The following NAALADL2 variants were observed in gnomAD, a reference collection of about 807,000 sequenced individuals.
The protein encoded by NAALADL2 is inactive N-acetylated-alpha-linked acidic dipeptidase-like protein 2.
In NAALADL2, 76 loss-of-function variants were observed where a neutral mutation model predicts 87.2. The ratio of observed to expected loss-of-function variants is 0.87; its 90% CI spans 0.72 to 1.05. The LOEUF (loss-of-function observed/expected upper bound fraction) is 1.05. Ranked by LOEUF, NAALADL2 falls within the 50% of genes least tolerant of loss-of-function variation. The pLI, the probability that NAALADL2 is intolerant of heterozygous loss-of-function variation, is 0.00. For missense variants in NAALADL2, 1,089 were observed against 945.8 expected (o/e 1.15, Z -1.99); for synonymous variants, 354 against 331.0 (o/e 1.07, Z -0.75).
chr3:175,637,014 T>G (rs1208922190), intron 11 of NAALADL2, among the ~76,000 whole-genome samples: 1 of 152,238 alleles, frequency 6.6e-6, no homozygotes, highest in Non-Finnish European at 1.5e-5. Context: ...GAAAATATTT[T>G]GTTGAGAACA....
At chr3:175,377,581 C>G (rs116531031) in intron 5 of NAALADL2, among the ~76,000 whole-genome samples, 2,141 of 152,296 alleles carry the variant, frequency 0.014, 43 homozygotes, top group African/African-American at 0.049. Context: ...GGGCCAGTCC[C>G]TGGCAAAGCC....
intron 5 of NAALADL2, among the ~76,000 whole-genome samples, chr3:175,328,281 T>G (rs566308198): frequency 6.6e-6 from 1 of 152,186 alleles, no homozygotes; most frequent in Non-Finnish European, 1.5e-5. Context: ...CTGAAACACT[T>G]TGAGTTCCTT....
chr3:175,625,516 T>C (rs1016565496), intron 10 of NAALADL2, among the ~76,000 whole-genome samples: 1 of 152,030 alleles, frequency 6.6e-6, no homozygotes, highest in African/African-American at 2.4e-5. Context: ...TCATTTAAAC[T>C]GTGCGTAGTG....
intron 2 of NAALADL2, among the ~76,000 whole-genome samples, chr3:175,163,652 C>A (rs189497091): frequency 2.6e-4 from 40 of 152,108 alleles, no homozygotes; most frequent in Non-Finnish European, 7.4e-5. Context: ...ATAAAAAGAC[C>A]CATCGGTCTA....
chr3:174,762,468 G>A (rs992459778), intron 3 of NAALADL2, among the ~76,000 whole-genome samples: 8 of 147,934 alleles, frequency 5.4e-5, no homozygotes, highest in African/African-American at 2.0e-4. Flanking sequence ...CTTAATACTT[G>A]TTACCATGTT....
intron 1 of NAALADL2, among the ~76,000 whole-genome samples, chr3:175,052,466 C>A (rs1005328266): frequency 3.3e-5 from 5 of 152,186 alleles, no homozygotes; most frequent in African/African-American, 1.2e-4. Context: ...TGAGCTACTT[C>A]TTGGAGGAGT....
intron 10 of NAALADL2, among the ~76,000 whole-genome samples, chr3:175,578,103 CT>C (rs138558746): frequency 0.13 from 19,191 of 151,592 alleles, 1,372 homozygotes; most frequent in Middle Eastern, 0.17. Context: ...TGGGCTTCTG[CT>C]TTTTTTTAAA....
chr3:175,402,590 C>T (rs1711528274), intron 5 of NAALADL2, among the ~76,000 whole-genome samples: 3 of 151,952 alleles, frequency 2.0e-5, no homozygotes, highest in Admixed American at 2.0e-4. Context: ...TATAATTTTT[C>T]CAGCTATACT....
upstream of NAALADL2, among the ~76,000 whole-genome samples, chr3:174,856,025 G>A (rs1332975831): frequency 6.6e-6 from 1 of 151,340 alleles, no homozygotes; most frequent in Non-Finnish European, 1.5e-5. Context: ...GTAAGAGAGA[G>A]AGACAGGTTC....
intron 5 of NAALADL2, among the ~76,000 whole-genome samples, chr3:175,429,535 T>A (rs1340400970): frequency 6.6e-6 from 1 of 151,978 alleles, no homozygotes; most frequent in Non-Finnish European, 1.5e-5. Context: ...AAAAATCAGG[T>A]GCAGCCACTT....
rs1255607081 is a variant in NAALADL2 at position 175,447,290 on chromosome 3, A to G, written c.1152A>G (p.Ala384=). The G allele has an allele frequency of 1.2e-6, 2 of 1,608,052 alleles. No homozygotes were observed. The highest frequency in any genetic ancestry group is 1.7e-6 in the Non-Finnish European group (2 of 1,176,534). Residue 384 remains alanine (A), a synonymous_variant, in exon 6 of 14, where the codon GCA becomes GCG. Coordinates refer to ENST00000454872, the MANE Select transcript of NAALADL2 (RefSeq NM_207015.3). ...CTCTATTAGTGCAGCCCATCTCTGC[A>G]CCCCTCGTTGCAAAACTGATCTCTT... is the stretch of plus-strand genomic sequence containing the variant. ...LTSLLVQPIS[A]PLVAKLISSP...
Position 174,489,171 on chromosome 3 carries a change from T to C in NAALADL2, c.-184+48139T>C, listed in dbSNP as rs972446723. On this transcript the variant is annotated intron_variant, in intron 1 of 3. Coordinates refer to the NAALADL2 transcript ENST00000434257. Reference sequence around the variant, plus strand: ...CAGGCAATATTTTTTTCTTAAATTCTATATTATTAAACTCAGATTTATGGT... The same window carrying C: ...CAGGCAATATTTTTTTCTTAAATTCCATATTATTAAACTCAGATTTATGGT... 2.0e-5 allele frequency among the ~76,000 whole-genome samples: 3 copies of C among 152,102 alleles called. No individual in the cohort carries two copies. In the East Asian group the frequency reaches 5.8e-4, roughly 29 times the overall value.
At chr3:175,544,650 G>T (rs1712983686) in intron 9 of NAALADL2, among the ~76,000 whole-genome samples, 1 of 152,074 alleles carries the variant, frequency 6.6e-6, no homozygotes, top group Admixed American at 6.6e-5. Context: ...GAGTGGATTT[G>T]GATATTTGCC....
rs574602039 is a variant in NAALADL2, at chr3:174,680,652, T to G, written c.-114-56989T>G. On this transcript the variant is annotated intron_variant, in intron 2 of 3. Transcript: ENST00000434257. Reference sequence around the variant, plus strand: ...CCATTTTCTTTATTTTCTTTAAAATTCAGAAGTCCAAACTACGACAGTCTT... The same window carrying G: ...CCATTTTCTTTATTTTCTTTAAAATGCAGAAGTCCAAACTACGACAGTCTT... Among the ~76,000 whole-genome samples, 290 of 152,302 alleles carry G rather than the reference T, an allele frequency of 1.9e-3. 3 individuals carry two copies. Among genetic ancestry groups the G allele is most frequent in the African/African-American group, 6.6e-3 (274 of 41,568 alleles).
chr3:175,151,576 T>G (rs2861996), intron 2 of NAALADL2, among the ~76,000 whole-genome samples: 45,638 of 151,996 alleles, frequency 0.3, 7,078 homozygotes, highest in South Asian at 0.35. Flanking sequence ...AGACTCTCTG[T>G]GGGCCAGGAG....
intron 1 of NAALADL2, among the ~76,000 whole-genome samples, chr3:174,980,760 C>T (rs1413162412): frequency 6.6e-6 from 1 of 151,912 alleles, no homozygotes; most frequent in East Asian, 1.9e-4. Flanking sequence ...ACCTATTTTT[C>T]TGTGTATTAT....
chr3:175,200,011 G>A (rs889143291), intron 2 of NAALADL2, among the ~76,000 whole-genome samples: 3 of 150,000 alleles, frequency 2.0e-5, no homozygotes, highest in Non-Finnish European at 4.4e-5. Flanking sequence ...CTACTACTTC[G>A]AAAAGTCCAA....
rs574343915 is a variant in NAALADL2 at position 175,544,596 on chromosome 3, C to T, written c.1654-31445C>T. ...ATTATTTTCTTCCCATAAAAGCCTC[C>T]TGTGTATTTGTCACTATTCTGTACA... On this transcript the variant is annotated intron_variant, in intron 9 of 13. Coordinates refer to ENST00000454872, the MANE Select transcript of NAALADL2 (RefSeq NM_207015.3). 3.3e-5 allele frequency among the ~76,000 whole-genome samples: 5 copies of T among 152,238 alleles called. No homozygotes were observed. The South Asian group carries it at 8.3e-4, about 25-fold the overall frequency.
At position 174,741,868 on chromosome 3, in the gene NAALADL2, G is replaced by T. The variant is rs529048503; in HGVS notation, c.-9+4122G>T. On this transcript the variant is annotated intron_variant, in intron 3 of 3. Transcript: ENST00000434257. Reference sequence around the variant, plus strand: ...CAAGCGGTTTCCATTTCCTTATATAGCTGGAATAAATCTGTAATATTTCAT... The same window carrying T: ...CAAGCGGTTTCCATTTCCTTATATATCTGGAATAAATCTGTAATATTTCAT... 1.7e-3 allele frequency among the ~76,000 whole-genome samples: 254 copies of T among 151,734 alleles called. 1 individual carries two copies. The highest frequency in any genetic ancestry group is 6.0e-3 in the African/African-American group (249 of 41,512).
Sources: allele counts gnomAD v4.1 joint callset (sites outside exome capture counted in the v4.1 genomes callset), GRCh38; gene constraint gnomAD v4.1.1; transcripts MANE v1.5; gene names NCBI Gene and HGNC (gene_info 2026-07-23, HGNC 2026-07-21).